The following CTNNA2 variants were observed in gnomAD, a reference collection of about 807,000 sequenced individuals.
CTNNA2 encodes catenin alpha-2.
Under a neutral mutation model 101.0 loss-of-function variants are expected in CTNNA2, and 42 were observed. The observed-to-expected ratio is 0.42, with a 90% CI of 0.32 to 0.54. The LOEUF is 0.54. Ranked by LOEUF, CTNNA2 falls within the 20% of genes least tolerant of loss-of-function variation. CTNNA2 has a pLI of 0.14. For missense variants in CTNNA2, 871 were observed against 1,223.1 expected (o/e 0.71, Z 4.29); for synonymous variants, 450 against 456.4 (o/e 0.99, Z 0.18).
chr2:79,412,725 C>A (rs1352599424), intron 4 of CTNNA2, among the ~76,000 whole-genome samples: 1 of 152,024 alleles, frequency 6.6e-6, no homozygotes, highest in Non-Finnish European at 1.5e-5. Flanking sequence ...ATACCAGAAT[C>A]TCTGGGACAC....
At chr2:80,545,143 C>A in intron 10 of CTNNA2, 69 bp downstream of exon 10, 1 of 1,425,742 alleles carries the variant, frequency 7.0e-7, no homozygotes, top group South Asian at 1.2e-5. Context: ...TGTGCCCCTC[C>A]TTTTCCTTCT....
chr2:79,391,454 A>T (rs1328514151), intron 4 of CTNNA2, among the ~76,000 whole-genome samples: 1 of 152,202 alleles, frequency 6.6e-6, no homozygotes, highest in African/African-American at 2.4e-5. Context: ...AGAATACAGT[A>T]TATATAAAAA....
intron 7 of CTNNA2, among the ~76,000 whole-genome samples, chr2:79,944,040 C>A (rs914862376): frequency 6.6e-6 from 1 of 152,098 alleles, no homozygotes; most frequent in Non-Finnish European, 1.5e-5. Context: ...AATGAGAATG[C>A]TGCAGCCTGA....
At chr2:80,459,009 C>T (rs555655701) in intron 9 of CTNNA2, among the ~76,000 whole-genome samples, 16 of 152,092 alleles carry the variant, frequency 1.1e-4, no homozygotes, top group South Asian at 6.2e-4. Flanking sequence ...TGTTTAGATA[C>T]GCTTAGATAC....
At chr2:79,375,874 A>G (rs1455145436) in intron 4 of CTNNA2, among the ~76,000 whole-genome samples, 1 of 152,190 alleles carries the variant, frequency 6.6e-6, no homozygotes, top group Non-Finnish European at 1.5e-5. Flanking sequence ...TAAAAAGTGC[A>G]TCCTTGGAAC....
intron 7 of CTNNA2, among the ~76,000 whole-genome samples, chr2:80,019,407 C>A (rs1169056241): frequency 1.3e-5 from 2 of 152,108 alleles, no homozygotes; most frequent in African/African-American, 2.4e-5. Flanking sequence ...CAGACAAAAG[C>A]AAACAATGGG....
chr2:80,233,213 T>G (rs1249382625), intron 7 of CTNNA2, among the ~76,000 whole-genome samples: 1 of 152,122 alleles, frequency 6.6e-6, no homozygotes, highest in African/African-American at 2.4e-5. Flanking sequence ...ACTCTGGCCT[T>G]GGTAGTGTTG....
At chr2:80,262,928 A>G (rs200819448) in intron 7 of CTNNA2, among the ~76,000 whole-genome samples, 1 of 55,260 alleles carries the variant, frequency 1.8e-5, no homozygotes, top group Non-Finnish European at 6.7e-5. Flanking sequence ...AAAATAATAA[A>G]AACAACAATA....
rs183293443 is a variant in CTNNA2 at position 79,582,380 on chromosome 2, T to C, written c.-5-69172T>C. On this transcript the variant is annotated intron_variant, in intron 1 of 18. Transcript: ENST00000402739. ...TCCTTTTTAGTAATTACCTACCATA[T>C]ACATATCATATAGATGCTAGAACTA... Among the ~76,000 whole-genome samples, 174 of 152,286 alleles carry C rather than the reference T, an allele frequency of 1.1e-3. 1 individual carries two copies. The highest frequency in any genetic ancestry group is 4.0e-3 in the African/African-American group (165 of 41,568).
intron 7 of CTNNA2, among the ~76,000 whole-genome samples, chr2:80,329,989 G>C (rs1048489730): frequency 6.6e-6 from 1 of 152,222 alleles, no homozygotes; most frequent in East Asian, 1.9e-4. Flanking sequence ...CATTTTCAAG[G>C]TGCCCTGCAC....
intron 9 of CTNNA2, among the ~76,000 whole-genome samples, chr2:80,533,967 A>T (rs747557454): frequency 1.6e-4 from 25 of 152,160 alleles, no homozygotes; most frequent in Non-Finnish European, 2.8e-4. Context: ...ATTTTAAGCC[A>T]CTGAGGTTTT....
chr2:79,961,992 A>C (rs1206565012), intron 7 of CTNNA2, among the ~76,000 whole-genome samples: 2 of 152,194 alleles, frequency 1.3e-5, no homozygotes, highest in East Asian at 3.9e-4. Flanking sequence ...CTGCTATCAC[A>C]TACCTGGGGG....
intron 1 of CTNNA2, among the ~76,000 whole-genome samples, chr2:79,648,592 T>C (rs1680993249): frequency 6.6e-6 from 1 of 152,126 alleles, no homozygotes. Context: ...CCAGCTGAGG[T>C]ATCACAGGCA....
intron 7 of CTNNA2, among the ~76,000 whole-genome samples, chr2:80,249,534 T>G (rs1671594074): frequency 6.6e-6 from 1 of 152,180 alleles, no homozygotes; most frequent in South Asian, 2.1e-4. Flanking sequence ...TGGAAGATAG[T>G]TTTAACTTAA....
At position 79,378,862 on chromosome 2, in the gene CTNNA2, C is replaced by G. The variant is rs531757438; in HGVS notation, c.-135+4849C>G. Among the ~76,000 whole-genome samples the G allele has an allele frequency of 2.0e-5, 3 of 152,172 alleles. No individual in the cohort carries two copies. The South Asian group carries it at 6.2e-4, about 32-fold the overall frequency. ...TAGTTACAATGCTTCTTGTCTCAAT[C>G]AAAACTCTGAGAGTGGCACTGACCT... is the stretch of plus-strand genomic sequence containing the variant. On this transcript the variant is annotated intron_variant, in intron 4 of 21. Coordinates refer to the CTNNA2 transcript ENST00000466387.
chr2:80,106,533 G>A (rs2148852508), intron 7 of CTNNA2, among the ~76,000 whole-genome samples: 1 of 152,252 alleles, frequency 6.6e-6, no homozygotes. Flanking sequence ...TGGTGAAGTA[G>A]CACGTTTAAT....
At chr2:80,300,149 AG>A (rs984190771) in intron 7 of CTNNA2, among the ~76,000 whole-genome samples, 1 of 152,122 alleles carries the variant, frequency 6.6e-6, no homozygotes, top group Admixed American at 6.5e-5. Flanking sequence ...TATCAAACAA[AG>A]CACCTCTCTT....
At chr2:80,151,813 G>A in intron 7 of CTNNA2, among the ~76,000 whole-genome samples, 1 of 152,232 alleles carries the variant, frequency 6.6e-6, no homozygotes, top group Non-Finnish European at 1.5e-5. Context: ...CTGGGGTCCA[G>A]CTGCTGCTGC....
chr2:79,280,663 A>AGAGAGAGAG (rs1238782976), intron 2 of CTNNA2, among the ~76,000 whole-genome samples: 40 of 49,318 alleles, frequency 8.1e-4, no homozygotes, highest in Non-Finnish European at 8.4e-4. Flanking sequence ...GTGTAAGAGA[A>AGAGAGAGAG]AGAGAGAGAG....
Sources: allele counts gnomAD v4.1 joint callset (sites outside exome capture counted in the v4.1 genomes callset), GRCh38; gene constraint gnomAD v4.1.1; transcripts MANE v1.5; gene names NCBI Gene and HGNC (gene_info 2026-07-23, HGNC 2026-07-21).